Variants in TEX44 observed in about 807,000 individuals in gnomAD.
TEX44 encodes the protein testis expressed 44, also known as testis-expressed protein 44.
For missense variants in TEX44, 487 were observed against 509.6 expected (o/e 0.96, Z 0.43); for synonymous variants, 196 against 205.9 (o/e 0.95, Z 0.41).
In TEX44 at chr2:231,593,751, G is replaced by A. The variant is rs2047779364; in HGVS notation, c.800G>A (p.Ser267Asn). 2 of 1,611,354 alleles carry A rather than the reference G, an allele frequency of 1.2e-6. No individual in the cohort carries two copies. Among genetic ancestry groups the A allele is most frequent in the Admixed American group, 3.3e-5 (2 of 60,024 alleles). Residue 267 changes from serine to asparagine, a missense_variant, in exon 1 of 1, where the codon AGT becomes AAT. Physicochemically the swap from Ser to Asn is conservative, Grantham distance 46. Transcript: ENST00000313965. ...RPLDSSLYTA[S>N]EENSYMRSMT... ...CTGGACTCCAGCCTGTACACGGCCA[G>A]TGAGGAGAACAGCTACATGCGCTCC...
At position 231,593,481 on chromosome 2, in the gene TEX44, G is replaced by A. The variant is rs776335381; in HGVS notation, c.530G>A (p.Gly177Asp). 2 of 1,614,160 alleles carry A rather than the reference G, an allele frequency of 1.2e-6. No individual in the cohort carries two copies. The highest frequency in any genetic ancestry group is 1.1e-5 in the South Asian group (1 of 91,088). Residue 177 changes from glycine to aspartate, a missense_variant, in exon 1 of 1, where the codon GGT becomes GAT. Physicochemically the swap from Gly to Asp is moderately conservative, Grantham distance 94. Transcript: ENST00000313965. ...VESDADHVTA[G>D]ANGQHGPQAA... ...AGTGATGCTGACCATGTCACAGCAG[G>A]TGCCAATGGCCAGCATGGCCCTCAG...
At position 231,593,737 on chromosome 2, in the gene TEX44, C is replaced by A; in HGVS notation, c.786C>A (p.Ser262Arg). ...VALGRRPLDS[S>R]LYTASEENSY... ...TGGGGAGAAGGCCCCTGGACTCCAG[C>A]CTGTACACGGCCAGTGAGGAGAACA... Residue 262 changes from serine to arginine, a missense_variant, in exon 1 of 1, where the codon AGC becomes AGA. Coordinates refer to ENST00000313965, the MANE Select transcript of TEX44 (RefSeq NM_152614.3). The A allele has an allele frequency of 6.2e-7, 1 of 1,611,086 alleles. No homozygotes were observed. Among genetic ancestry groups the A allele is most frequent in the East Asian group, 2.2e-5 (1 of 44,714 alleles).
At position 231,592,949 on chromosome 2, in the gene TEX44, T is replaced by C. The variant is rs2047770883; in HGVS notation, c.-3T>C. 1 of 1,612,314 alleles carries C rather than the reference T, an allele frequency of 6.2e-7. No homozygotes were observed. Among genetic ancestry groups the C allele is most frequent in the Non-Finnish European group, 8.5e-7 (1 of 1,178,900 alleles). On this transcript the variant is annotated 5_prime_UTR_variant, in exon 1 of 1. Transcript: ENST00000313965. ...GAGGCCGGCTCCACCAGCAGCCCCA[T>C]ACATGGCACTCCCAGGGTACCCCCT... is the stretch of plus-strand genomic sequence containing the variant.
Position 231,594,147 on chromosome 2 carries a change from C to A in TEX44, c.*8C>A, listed in dbSNP as rs749975245. ...GACCCCAACTATGATTAGAGCCCTG[C>A]ACAGGGACCCCCGAAGGGCTGGTTC... On this transcript the variant is annotated 3_prime_UTR_variant, in exon 1 of 1. Transcript: ENST00000313965. 6.2e-7 allele frequency: 1 copy of A among 1,609,624 alleles called. No homozygotes were observed. Among genetic ancestry groups the A allele is most frequent in the South Asian group, 1.1e-5 (1 of 90,758 alleles).
chr2:231,593,006 A>C lies in TEX44; in HGVS notation c.55A>C (p.Ser19Arg). The C allele has an allele frequency of 1.2e-6, 2 of 1,614,126 alleles. No homozygotes were observed. Among genetic ancestry groups the C allele is most frequent in the East Asian group, 2.2e-5 (1 of 44,852 alleles). Residue 19 changes from serine (S) to arginine (R), a missense_variant, in exon 1 of 1, where the codon AGC becomes CGC. Transcript: ENST00000313965. ...GNVDDSRSKDSPAGEPQGQVP... is the reference protein window; with the variant it reads ...GNVDDSRSKDRPAGEPQGQVP... ...CGTGGATGACAGCAGGTCTAAGGAC[A>C]GCCCAGCAGGAGAGCCCCAAGGTCA...
Position 231,593,863 on chromosome 2 carries a change from C to T in TEX44, c.912C>T (p.Ala304=). 1.2e-6 allele frequency: 2 copies of T among 1,610,560 alleles called. No individual in the cohort carries two copies. Among genetic ancestry groups the T allele is most frequent in the Non-Finnish European group, 1.7e-6 (2 of 1,180,006 alleles). The change falls in exon 1 of 1, where the codon GCC becomes GCT. Residue 304 remains alanine, a synonymous_variant. Coordinates refer to ENST00000313965, the MANE Select transcript of TEX44 (RefSeq NM_152614.3). The part of the protein sequence containing the change: ...LVWSETTMGM[A]IATGFLDSGH... ...GGTCCGAGACCACCATGGGCATGGC[C>T]ATAGCCACAGGCTTCCTGGATTCCG...
chr2:231,594,136 T>C lies in TEX44; in HGVS notation c.1185T>C (p.Asp395=). ...AGGCCCAGGCTGACCCCAACTATGA[T>C]TAGAGCCCTGCACAGGGACCCCCGA... ...PRQAQADPNY[D] Residue 395 remains aspartate, a synonymous_variant, in exon 1 of 1, where the codon GAT becomes GAC. Transcript: ENST00000313965. The C allele has an allele frequency of 6.2e-7, 1 of 1,612,470 alleles. No homozygotes were observed. The highest frequency in any genetic ancestry group is 2.2e-5 in the East Asian group (1 of 44,854).
Position 231,593,843 on chromosome 2 carries a change from G to A in TEX44, c.892G>A (p.Glu298Lys), listed in dbSNP as rs146402789. The A allele has an allele frequency of 2.5e-5, 41 of 1,610,778 alleles. No homozygotes were observed. Among genetic ancestry groups the A allele is most frequent in the African/African-American group, 2.1e-4 (16 of 74,928 alleles). The stretch of plus-strand genomic sequence containing the variant: ...CCTGGCAGACATCCTGGTGTGGTCC[G>A]AGACCACCATGGGCATGGCCATAGC... ...SSLADILVWS[E>K]TTMGMAIATG... The change falls in exon 1 of 1, where the codon GAG becomes AAG. Residue 298 changes from glutamate to lysine, a missense_variant. Transcript: ENST00000313965.
Position 231,592,925 on chromosome 2 carries a change from A to G in TEX44, c.-27A>G, listed in dbSNP as rs2106185936. Reference sequence around the variant, plus strand: ...ATGACCACAGGAGAGCCCTAGGGGGAGGCCGGCTCCACCAGCAGCCCCATA... The same window carrying G: ...ATGACCACAGGAGAGCCCTAGGGGGGGGCCGGCTCCACCAGCAGCCCCATA... On this transcript the variant is annotated 5_prime_UTR_variant, in exon 1 of 1. Coordinates refer to ENST00000313965, the MANE Select transcript of TEX44 (RefSeq NM_152614.3). 1 of 1,564,508 alleles carries G rather than the reference A, an allele frequency of 6.4e-7. No homozygotes were observed. Among genetic ancestry groups the G allele is most frequent in the Non-Finnish European group, 8.8e-7 (1 of 1,135,968 alleles).
At chr2:231,593,042 AC>A in the TEX44 span, 13 of 1,614,120 alleles carry the variant, frequency 8.1e-6, no homozygotes, top group Non-Finnish European at 1.1e-5. Flanking sequence ...GGTCCCACTC[AC>A]AGCAGATGTC....
chr2:231,593,791 G>C lies in TEX44; in HGVS notation c.840G>C (p.Leu280=), dbSNP rs1459494954. ...ACATGCGCTCCATGACCAGCCTGCT[G>C]GACAGGGGCGAGGGCTCCATCAGCT... The part of the protein sequence containing the change: ...NSYMRSMTSL[L]DRGEGSISSL... Residue 280 remains leucine, a synonymous_variant, in exon 1 of 1, where the codon CTG becomes CTC. Coordinates refer to ENST00000313965, the MANE Select transcript of TEX44 (RefSeq NM_152614.3). The C allele has an allele frequency of 1.2e-6, 2 of 1,611,948 alleles. No homozygotes were observed. The highest frequency in any genetic ancestry group is 2.7e-5 in the African/African-American group (2 of 74,926).
Position 231,594,141 on chromosome 2 carries a change from G to A in TEX44, c.*2G>A. The A allele has an allele frequency of 1.9e-6, 3 of 1,611,646 alleles. No homozygotes were observed. The highest frequency in any genetic ancestry group is 2.5e-6 in the Non-Finnish European group (3 of 1,178,972). On this transcript the variant is annotated 3_prime_UTR_variant, in exon 1 of 1. Transcript: ENST00000313965. The stretch of plus-strand genomic sequence containing the variant: ...CAGGCTGACCCCAACTATGATTAGA[G>A]CCCTGCACAGGGACCCCCGAAGGGC...
Position 231,594,100 on chromosome 2 carries a change from C to T in TEX44, c.1149C>T (p.Leu383=), listed in dbSNP as rs369242616. The change falls in exon 1 of 1, where the codon CTC becomes CTT. Residue 383 remains leucine, a synonymous_variant. Transcript: ENST00000313965. The part of the protein sequence containing the change: ...RSAMRYLTSH[L]TPRQAQADPN... ...CCATGCGCTACCTGACCAGCCACCT[C>T]ACCCCACGCCAGGCCCAGGCTGACC... 3 of 1,611,298 alleles carry T rather than the reference C, an allele frequency of 1.9e-6. No individual in the cohort carries two copies. In the African/African-American group the frequency reaches 4.1e-5, roughly 22 times the overall value.
Position 231,593,946 on chromosome 2 carries a change from C to T in TEX44, c.995C>T (p.Pro332Leu), listed in dbSNP as rs1216944729. ...HSSGPSLRSVPSLVGSVSSAF... is the reference protein window; with the variant it reads ...HSSGPSLRSVLSLVGSVSSAF... ...TCGGGGCCCAGCTTGCGCTCGGTCC[C>T]CAGCCTGGTGGGAAGCGTCAGCTCG... The change falls in exon 1 of 1, where the codon CCC becomes CTC. Residue 332 changes from proline to leucine, a missense_variant. By Grantham distance (98) the Pro-to-Leu change is moderately conservative. Coordinates refer to ENST00000313965, the MANE Select transcript of TEX44 (RefSeq NM_152614.3). 1.2e-6 allele frequency: 2 copies of T among 1,609,732 alleles called. No homozygotes were observed. The highest frequency in any genetic ancestry group is 2.2e-5 in the East Asian group (1 of 44,880).
chr2:231,593,427 C>T lies in TEX44; in HGVS notation c.476C>T (p.Thr159Ile), dbSNP rs1226840014. 7.4e-6 allele frequency: 12 copies of T among 1,614,132 alleles called. No homozygotes were observed. The highest frequency in any genetic ancestry group is 2.2e-5 in the East Asian group (1 of 44,900). ...GCCCCGAGTGCTGAGCTACAGTCCA[C>T]CCAGCACATGGAGGCTCAGCCCGTC... is the stretch of plus-strand genomic sequence containing the variant. ...PSAPSAELQS[T>I]QHMEAQPVES... Residue 159 changes from threonine to isoleucine, a missense_variant, in exon 1 of 1, where the codon ACC becomes ATC. Transcript: ENST00000313965.
At position 231,593,937 on chromosome 2, in the gene TEX44, G is replaced by A. The variant is rs140125501; in HGVS notation, c.986G>A (p.Arg329His). 8.1e-5 allele frequency: 131 copies of A among 1,609,450 alleles called. No homozygotes were observed. Among genetic ancestry groups the A allele is most frequent in the South Asian group, 4.8e-4 (44 of 91,080 alleles). The change falls in exon 1 of 1, where the codon CGC (arginine) becomes CAC (histidine). Residue 329 changes from arginine to histidine, a missense_variant. By Grantham distance (29) the Arg-to-His change is conservative. Transcript: ENST00000313965. ...DLLHSSGPSL[R>H]SVPSLVGSVS... The stretch of plus-strand genomic sequence containing the variant: ...CTGCACAGCTCGGGGCCCAGCTTGC[G>A]CTCGGTCCCCAGCCTGGTGGGAAGC...
At position 231,593,396 on chromosome 2, in the gene TEX44, C is replaced by T. The variant is rs1437759929; in HGVS notation, c.445C>T (p.Pro149Ser). The T allele has an allele frequency of 4.3e-6, 7 of 1,614,124 alleles. No individual in the cohort carries two copies. The East Asian group carries it at 1.1e-4, about 26-fold the overall frequency. Residue 149 changes from proline to serine, a missense_variant, in exon 1 of 1, where the codon CCC becomes TCC. Pro to Ser is a moderately conservative substitution (Grantham distance 74, BLOSUM62 -1). Coordinates refer to ENST00000313965, the MANE Select transcript of TEX44 (RefSeq NM_152614.3). ...SVPEREPESA[P>S]SAPSAELQST... ...TCCTGAGAGAGAGCCGGAGTCAGCC[C>T]CCTCTGCCCCGAGTGCTGAGCTACA...
At position 231,593,319 on chromosome 2, in the gene TEX44, T is replaced by C; in HGVS notation, c.368T>C (p.Val123Ala). ...GCAAGGACAAGTCAGAGTCTAGTGG[T>C]TTTCCCAAGTCACCTCCTGGGTAAA... ...QDARTSQSLVVFPSHLLGKDK... is the reference protein window; with the variant it reads ...QDARTSQSLVAFPSHLLGKDK... The change falls in exon 1 of 1, where the codon GTT becomes GCT. Residue 123 changes from valine to alanine, a missense_variant. Physicochemically the swap from Val to Ala is moderately conservative, Grantham distance 64 (BLOSUM62 0). Coordinates refer to ENST00000313965, the MANE Select transcript of TEX44 (RefSeq NM_152614.3). 6.2e-7 allele frequency: 1 copy of C among 1,614,034 alleles called. No individual in the cohort carries two copies. Among genetic ancestry groups the C allele is most frequent in the Non-Finnish European group, 8.5e-7 (1 of 1,179,996 alleles).
rs148798434 is a variant in TEX44, at chr2:231,593,517, C to A, written c.566C>A (p.Thr189Asn). Residue 189 changes from threonine (T) to asparagine (N), a missense_variant, in exon 1 of 1, where the codon ACC becomes AAC. Thr to Asn is a moderately conservative substitution (Grantham distance 65, BLOSUM62 0). Coordinates refer to ENST00000313965, the MANE Select transcript of TEX44 (RefSeq NM_152614.3). Reference protein sequence around the residue: ...NGQHGPQAASTTKSAEEKAEH... With the variant: ...NGQHGPQAASNTKSAEEKAEH... ...CAGCATGGCCCTCAGGCTGCCAGCA[C>A]CACCAAGTCTGCTGAGGAGAAAGCT... 1 of 1,614,006 alleles carries A rather than the reference C, an allele frequency of 6.2e-7. No individual in the cohort carries two copies. Among genetic ancestry groups the A allele is most frequent in the African/African-American group, 1.3e-5 (1 of 74,940 alleles).
Sources: allele counts gnomAD v4.1 joint callset, GRCh38; gene constraint gnomAD v4.1.1; transcripts MANE v1.5; gene names NCBI Gene and HGNC (gene_info 2026-07-23, HGNC 2026-07-21).